The following SAP30L variants were observed in gnomAD, a reference collection of about 807,000 sequenced individuals.
SAP30L encodes the protein SAP30 like.
SAP30L carries 10 observed loss-of-function variants against 22.3 expected under a neutral mutation model. That is an observed-to-expected ratio of 0.45 (90% confidence interval 0.28 to 0.76). The LOEUF is 0.76. Ranked by LOEUF, SAP30L falls within the 30% of genes least tolerant of loss-of-function variation. The probability of loss-of-function intolerance (pLI) is 0.14; values close to 1 mark genes in which losing one functional copy is unlikely to be tolerated. For synonymous variants in SAP30L, 91 were observed against 94.1 expected, an observed-to-expected ratio of 0.97 and a Z score of 0.19; for missense variants, 206 against 237.9, an observed-to-expected ratio of 0.87 and a Z score of 0.88.
In SAP30L at chr5:154,451,139, G is replaced by A. The variant is rs771913803; in HGVS notation, c.250G>A (p.Val84Ile). The change falls in exon 2 of 4, where the codon GTC becomes ATC. Residue 84 changes from valine to isoleucine, a missense_variant. By Grantham distance (29) the Val-to-Ile change is conservative. Around this residue, in one of 2 missense-constraint regions of SAP30L, gnomAD observed 136 missense variants for 187.4 expected, o/e 0.73. Coordinates refer to ENST00000297109, the MANE Select transcript of SAP30L (RefSeq NM_024632.6). ...CDFHKNFIQSVRNKRKRKTSD... is the reference protein window; with the variant it reads ...CDFHKNFIQSIRNKRKRKTSD... ...TTTTCACAAAAATTTCATCCAGAGT[G>A]TCCGAAATAAAAGGAAGAGGAAGAC... The A allele has an allele frequency of 3.1e-6, 5 of 1,614,124 alleles. No homozygotes were observed. The East Asian group carries it at 1.1e-4, about 36-fold the overall frequency.
Position 154,452,122 on chromosome 5 carries a change from A to G in SAP30L, c.324+909A>G, listed in dbSNP as rs536667782. 3.9e-5 allele frequency among the ~76,000 whole-genome samples: 6 copies of G among 152,348 alleles called. No homozygotes were observed. The South Asian group carries it at 1.0e-3, about 26-fold the overall frequency. On this transcript the variant is annotated intron_variant, in intron 2 of 3. Transcript: ENST00000297109. ...ATAGTGTACATTGAATATTTGACACATGAATATTTCATAAGGCAACCGCCT... is the reference window on the plus strand; with the variant it reads ...ATAGTGTACATTGAATATTTGACACGTGAATATTTCATAAGGCAACCGCCT...
intron 1 of SAP30L, among the ~76,000 whole-genome samples, chr5:154,449,742 C>T (rs1757099620): frequency 6.6e-6 from 1 of 152,218 alleles, no homozygotes; most frequent in Non-Finnish European, 1.5e-5. Context: ...AGTCCTTTGA[C>T]AGAGTTGAAT....
At chr5:154,451,840 G>T (rs528205120) in intron 2 of SAP30L, among the ~76,000 whole-genome samples, 1 of 152,092 alleles carries the variant, frequency 6.6e-6, no homozygotes, top group Non-Finnish European at 1.5e-5. Context: ...GCATCCCCTC[G>T]TGAGATTCTA....
In SAP30L at chr5:154,460,602, T is replaced by C. The variant is rs1757354212; in HGVS notation, c.*4574T>C. The C allele has an allele frequency of 6.6e-6, 1 of 152,228 alleles. No individual in the cohort carries two copies. The highest frequency in any genetic ancestry group is 2.4e-5 in the African/African-American group (1 of 41,464). The allele number at this position is 152,228 out of a possible 1,614,324, so 9.4% of individuals were successfully genotyped here. A position where few individuals can be genotyped will look rare whatever the true frequency, so the allele number is the denominator to read the frequency against. On this transcript the variant is annotated 3_prime_UTR_variant, in exon 4 of 4. Transcript: ENST00000297109. ...GTAGAACCCAGCCTAGGGCAAGATA[T>C]GAACTGTTCTTGAGGTAGAAATGTC...
In SAP30L at chr5:154,446,613, C is replaced by A; in HGVS notation, c.9C>A (p.Gly3=). ...CGGCCCGGGGCGGGGAGATGAACGG[C>A]TTCAGCACGGAGGAGGACAGCCGCG... is the stretch of plus-strand genomic sequence containing the variant. MN[G]FSTEEDSREG... Residue 3 remains glycine, a synonymous_variant, in exon 1 of 4, where the codon GGC becomes GGA. Transcript: ENST00000297109. The A allele has an allele frequency of 6.6e-7, 1 of 1,504,470 alleles. No individual in the cohort carries two copies. The allele number at this position is 1,504,470 out of a possible 1,614,324, so 93.2% of individuals were successfully genotyped here. A position where few individuals can be genotyped will look rare whatever the true frequency, so the allele number is the denominator to read the frequency against.
At chr5:154,447,057 G>A (rs1244884328) in intron 1 of SAP30L, among the ~76,000 whole-genome samples, 1 of 152,284 alleles carries the variant, frequency 6.6e-6, no homozygotes, top group East Asian at 1.9e-4. Context: ...TTGGACAGCA[G>A]TTTCCAACTT....
Position 154,453,281 on chromosome 5 carries a change from C to T in SAP30L, c.325-121C>T, listed in dbSNP as rs115612948. 8.3e-5 allele frequency: 56 copies of T among 678,234 alleles called. 1 individual carries two copies. In the African/African-American group the frequency reaches 9.1e-4, roughly 11 times the overall value. 42.0% of individuals were successfully genotyped at this position (678,234 alleles called of 1,614,324 possible). Reference sequence around the variant, plus strand: ...AGTCCTCAATAGACCATTTCTAAGACCTCTTTTGAAGCCCTCCCCATCCTC... The same window carrying T: ...AGTCCTCAATAGACCATTTCTAAGATCTCTTTTGAAGCCCTCCCCATCCTC... On this transcript the variant is annotated intron_variant, in intron 2 of 3. Transcript: ENST00000297109.
In SAP30L at chr5:154,446,553, G is replaced by A; in HGVS notation, c.-52G>A. 1.5e-6 allele frequency: 2 copies of A among 1,350,046 alleles called. No homozygotes were observed. Among genetic ancestry groups the A allele is most frequent in the African/African-American group, 1.5e-5 (1 of 64,668 alleles). 83.6% of individuals were successfully genotyped at this position (1,350,046 alleles called of 1,614,324 possible). A position where few individuals can be genotyped will look rare whatever the true frequency, so the allele number is the denominator to read the frequency against. On this transcript the variant is annotated 5_prime_UTR_variant, in exon 1 of 4. Coordinates refer to ENST00000297109, the MANE Select transcript of SAP30L (RefSeq NM_024632.6). Reference sequence around the variant, plus strand: ...CCTGCCCCGCGGCAAGCGCGGCCGCGGAGTGGCCTACCGGGGACCCTCCCC... The same window carrying A: ...CCTGCCCCGCGGCAAGCGCGGCCGCAGAGTGGCCTACCGGGGACCCTCCCC...
In SAP30L at chr5:154,456,056, G is replaced by T; in HGVS notation, c.*28G>T. On this transcript the variant is annotated 3_prime_UTR_variant, in exon 4 of 4. Coordinates refer to ENST00000297109, the MANE Select transcript of SAP30L (RefSeq NM_024632.6). ...ATGAAGCACATCTTAAAGGAATGAA[G>T]TGTAATGCTTGATGCACAGGTGATA... The T allele has an allele frequency of 6.2e-7, 1 of 1,608,410 alleles. No individual in the cohort carries two copies. Among genetic ancestry groups the T allele is most frequent in the Non-Finnish European group, 8.5e-7 (1 of 1,177,490 alleles).
chr5:154,456,825 C>T lies in SAP30L; in HGVS notation c.*797C>T, dbSNP rs1049826976. The T allele has an allele frequency of 3.9e-5, 6 of 152,254 alleles. No homozygotes were observed. The highest frequency in any genetic ancestry group is 7.3e-5 in the Non-Finnish European group (5 of 68,040). 9.4% of individuals were successfully genotyped at this position (152,254 alleles called of 1,614,324 possible). ...CACAGAAGATACGGTCCCTTATGCA[C>T]CCCACTATGCTTCACTCTTTGGGGT... On this transcript the variant is annotated 3_prime_UTR_variant, in exon 4 of 4. Coordinates refer to ENST00000297109, the MANE Select transcript of SAP30L (RefSeq NM_024632.6).
In SAP30L at chr5:154,453,511, A is replaced by G. The variant is rs1048167530; in HGVS notation, c.423+11A>G. Reference sequence around the variant, plus strand: ...GCCCAGTTAGCAGAAGTAGGTAGACAAAATTGCCCTCTAAAGAGAGCCAGC... The same window carrying G: ...GCCCAGTTAGCAGAAGTAGGTAGACGAAATTGCCCTCTAAAGAGAGCCAGC... On this transcript the variant is annotated intron_variant, in intron 3 of 3. Transcript: ENST00000297109. 2 of 1,576,676 alleles carry G rather than the reference A, an allele frequency of 1.3e-6. No homozygotes were observed. Among genetic ancestry groups the G allele is most frequent in the Non-Finnish European group, 1.7e-6 (2 of 1,145,880 alleles).
rs1401391454 is a variant in SAP30L, at chr5:154,457,951, A to T, written c.*1923A>T. ...AGGCATTGTTAACTTGCTCCATGGA[A>T]ATGTCCATATCTTAATGAGTAAAAA... is the stretch of plus-strand genomic sequence containing the variant. On this transcript the variant is annotated 3_prime_UTR_variant, in exon 4 of 4. Coordinates refer to ENST00000297109, the MANE Select transcript of SAP30L (RefSeq NM_024632.6). The T allele has an allele frequency of 6.6e-6, 1 of 152,156 alleles. No individual in the cohort carries two copies. The highest frequency in any genetic ancestry group is 2.4e-5 in the African/African-American group (1 of 41,444). The allele number at this position is 152,156 out of a possible 1,614,324, so 9.4% of individuals were successfully genotyped here. A position where few individuals can be genotyped will look rare whatever the true frequency, so the allele number is the denominator to read the frequency against.
intron 2 of SAP30L, among the ~76,000 whole-genome samples, chr5:154,452,031 A>G (rs963535525): frequency 6.6e-6 from 1 of 152,208 alleles, no homozygotes; most frequent in African/African-American, 2.4e-5. Flanking sequence ...GGCTTCAGGA[A>G]GGAATATTGG....
intron 3 of SAP30L, among the ~76,000 whole-genome samples, chr5:154,454,573 C>G (rs1757224198): frequency 6.6e-6 from 1 of 152,188 alleles, no homozygotes; most frequent in Non-Finnish European, 1.5e-5. Context: ...CAGCCTGTTT[C>G]ATTTTTGGTT....
At chr5:154,454,868 T>C (rs1312742936) in intron 3 of SAP30L, among the ~76,000 whole-genome samples, 2 of 152,214 alleles carry the variant, frequency 1.3e-5, no homozygotes, top group African/African-American at 4.8e-5. Flanking sequence ...AGAAGAATTT[T>C]GGGGTTCAGA....
rs1340300486 is a variant in SAP30L at position 154,446,223 on chromosome 5, C to T, written c.-382C>T. ...AAAGAAGGCGGGAGCCGGCAGGGGC[C>T]TTCGAAACCCCCTGGCAACCCAGGC... is the stretch of plus-strand genomic sequence containing the variant. On this transcript the variant is annotated 5_prime_UTR_variant, in exon 1 of 4. Coordinates refer to ENST00000297109, the MANE Select transcript of SAP30L (RefSeq NM_024632.6). 2.2e-5 allele frequency: 4 copies of T among 178,120 alleles called. No individual in the cohort carries two copies. Among genetic ancestry groups the T allele is most frequent in the African/African-American group, 9.4e-5 (4 of 42,524 alleles). The allele number at this position is 178,120 out of a possible 1,614,324, so 11.0% of individuals were successfully genotyped here. A position where few individuals can be genotyped will look rare whatever the true frequency, so the allele number is the denominator to read the frequency against.
At position 154,460,893 on chromosome 5, in the gene SAP30L, A is replaced by T. The variant is rs1490728034; in HGVS notation, c.*4865A>T. On this transcript the variant is annotated 3_prime_UTR_variant, in exon 4 of 4. Coordinates refer to ENST00000297109, the MANE Select transcript of SAP30L (RefSeq NM_024632.6). ...ACTTGTTTCCTGCCAAATCTGGGGG[A>T]TCATTTGTATTTTAACTTCGTAATC... 1 of 151,544 alleles carries T rather than the reference A, an allele frequency of 6.6e-6. No homozygotes were observed. Among genetic ancestry groups the T allele is most frequent in the Non-Finnish European group, 1.5e-5 (1 of 67,922 alleles). 9.4% of individuals were successfully genotyped at this position (151,544 alleles called of 1,614,324 possible).
In SAP30L at chr5:154,448,773, A is replaced by G. The variant is rs774655771; in HGVS notation, c.201+1968A>G. 1.8e-4 allele frequency among the ~76,000 whole-genome samples: 28 copies of G among 152,236 alleles called. 1 individual carries two copies. The highest frequency in any genetic ancestry group is 3.9e-4 in the Admixed American group (6 of 15,288). ...CACTGTCTAGAAGAAGGGCAGCCTG[A>G]GCCTAGCATTAGTGTTCCCAAAATG... On this transcript the variant is annotated intron_variant, in intron 1 of 3. Transcript: ENST00000297109.
chr5:154,452,439 T>C (rs1488795749), intron 2 of SAP30L: 1 of 982,400 alleles, frequency 1.0e-6, no homozygotes, highest in Non-Finnish European at 1.2e-6. Flanking sequence ...ATATTGATCA[T>C]TCATTTTGTT....
Sources: gnomAD v4.1 joint callset for allele counts (sites outside exome capture counted in the v4.1 genomes callset) on GRCh38, gnomAD v4.1.1 for gene constraint, gnomAD v4.1.1 regional missense constraint, MANE v1.5 for transcripts, NCBI Gene and HGNC (gene_info 2026-07-23, HGNC 2026-07-21) for gene names.